Variants in RBM46 observed in about 807,000 individuals in gnomAD.
RBM46 encodes the protein RNA binding motif protein 46, also known as probable RNA-binding protein 46.
A neutral mutation model predicts 43.3 loss-of-function variants in RBM46; 12 were observed. The observed-to-expected ratio is 0.28, with a 90% confidence interval of 0.18 to 0.45. The LOEUF (loss-of-function observed/expected upper bound fraction) is 0.45, where lower values mean the gene tolerates loss of function less well. Among genes scored for constraint, RBM46 ranks in the 20% least tolerant of loss-of-function variants. The probability of loss-of-function intolerance (pLI) is 1.00; values close to 1 mark genes in which losing one functional copy is unlikely to be tolerated. For missense variants in RBM46, 412 were observed against 639.1 expected (o/e 0.64, Z 3.83); for synonymous variants, 205 against 207.6 (o/e 0.99, Z 0.11).
chr4:154,828,013 T>A lies in RBM46; in HGVS notation c.1548T>A (p.Asn516Lys), dbSNP rs1736049131. The change falls in exon 5 of 5, where the codon AAT becomes AAA. Residue 516 changes from asparagine to lysine, a missense_variant. Physicochemically the swap from Asn to Lys is moderately conservative, Grantham distance 94 (BLOSUM62 0). Around this residue, in one of 8 missense-constraint regions of RBM46, gnomAD observed 149 missense variants for 156.3 expected, o/e 0.95. Coordinates refer to ENST00000281722, the MANE Select transcript of RBM46 (RefSeq NM_144979.5). Reference sequence around the variant, plus strand: ...TGTCACCAACAATATCACTTGCTAATGGCAGCCATGTTGGACAGCGGCTAT... The same window carrying A: ...TGTCACCAACAATATCACTTGCTAAAGGCAGCCATGTTGGACAGCGGCTAT... ...YPLSPTISLANGSHVGQRLCI... is the reference protein window; with the variant it reads ...YPLSPTISLAKGSHVGQRLCI... 6.2e-7 allele frequency: 1 copy of A among 1,614,018 alleles called. No individual in the cohort carries two copies. Among genetic ancestry groups the A allele is most frequent in the Non-Finnish European group, 8.5e-7 (1 of 1,179,912 alleles).
intron 4 of RBM46, chr4:154,820,493 C>A: frequency 1.2e-6 from 1 of 829,782 alleles, no homozygotes; most frequent in South Asian, 2.1e-5. Context: ...AAACCAGTTT[C>A]AAATTGTTCT....
chr4:154,827,757 A>C, intron 4 of RBM46, 111 bp from the exon 5 acceptor site: 1 of 1,542,202 alleles, frequency 6.5e-7, no homozygotes, highest in Non-Finnish European at 8.7e-7. Context: ...CAAGATTTCC[A>C]GTGTTAGAAC....
At chr4:154,783,275 C>G (rs897180608) in intron 1 of RBM46, among the ~76,000 whole-genome samples, 1 of 152,052 alleles carries the variant, frequency 6.6e-6, no homozygotes, top group African/African-American at 2.4e-5. Context: ...TAATACATAT[C>G]AACACTTAAA....
chr4:154,799,785 A>AG (rs1734534209), intron 4 of RBM46, among the ~76,000 whole-genome samples: 1 of 110,244 alleles, frequency 9.1e-6, no homozygotes, highest in Admixed American at 1.2e-4. Context: ...TGAGAGATGG[A>AG]GTCTTGCTTT....
At chr4:154,816,505 T>C (rs1401006002) in intron 4 of RBM46, among the ~76,000 whole-genome samples, 2 of 152,124 alleles carry the variant, frequency 1.3e-5, no homozygotes, top group East Asian at 1.9e-4. Flanking sequence ...AAATAACTTA[T>C]CTTAATTTCA....
chr4:154,817,005 G>A (rs995774067), intron 4 of RBM46, among the ~76,000 whole-genome samples: 30 of 151,932 alleles, frequency 2.0e-4, no homozygotes, highest in African/African-American at 7.2e-4. Flanking sequence ...TCTTATTTCC[G>A]AAGTAAACTC....
intron 4 of RBM46, among the ~76,000 whole-genome samples, chr4:154,807,500 A>G (rs1250839613): frequency 6.6e-6 from 1 of 151,904 alleles, no homozygotes; most frequent in East Asian, 1.9e-4. Flanking sequence ...AAGGAGACAG[A>G]AGATGTAGAA....
intron 4 of RBM46, among the ~76,000 whole-genome samples, chr4:154,819,436 C>T (rs1322995313): frequency 6.6e-6 from 1 of 152,310 alleles, no homozygotes; most frequent in South Asian, 2.1e-4. Context: ...AGAGGAAATG[C>T]ACCTCCCAAA....
At chr4:154,822,583 T>G (rs1336139633) in intron 4 of RBM46, among the ~76,000 whole-genome samples, 1 of 151,692 alleles carries the variant, frequency 6.6e-6, no homozygotes, top group Non-Finnish European at 1.5e-5. Flanking sequence ...AAAAAAGTTT[T>G]TTTTTGCAGA....
intron 1 of RBM46, among the ~76,000 whole-genome samples, chr4:154,791,511 G>A (rs1158922173): frequency 6.6e-6 from 1 of 152,104 alleles, no homozygotes; most frequent in Admixed American, 6.5e-5. Context: ...AGCTGGATGT[G>A]GTGGTGCATG....
At chr4:154,805,455 C>T (rs1206563640) in intron 4 of RBM46, among the ~76,000 whole-genome samples, 1 of 151,916 alleles carries the variant, frequency 6.6e-6, no homozygotes, top group Non-Finnish European at 1.5e-5. Context: ...TCAGTAGAAT[C>T]TTGCATTTTT....
At chr4:154,802,395 G>T (rs1478062449) in intron 4 of RBM46, among the ~76,000 whole-genome samples, 3 of 152,258 alleles carry the variant, frequency 2.0e-5, no homozygotes, top group Admixed American at 2.0e-4. Context: ...CATATGGCAG[G>T]TTAAGAGTAG....
At chr4:154,806,539 CAAGT>C (rs1441805839) in intron 4 of RBM46, among the ~76,000 whole-genome samples, 1 of 151,608 alleles carries the variant, frequency 6.6e-6, no homozygotes, top group African/African-American at 2.4e-5. Context: ...TATTTGAGTA[CAAGT>C]AGTTTAAAAC....
At chr4:154,807,444 A>AT (rs1025518653) in intron 4 of RBM46, among the ~76,000 whole-genome samples, 2 of 151,562 alleles carry the variant, frequency 1.3e-5, no homozygotes, top group African/African-American at 2.4e-5. Flanking sequence ...TTAGTAGACA[A>AT]TTTTTTATGC....
chr4:154,801,311 G>A (rs1401050405), intron 4 of RBM46, among the ~76,000 whole-genome samples: 3 of 152,132 alleles, frequency 2.0e-5, no homozygotes, highest in Non-Finnish European at 4.4e-5. Context: ...CTAAAGGTAA[G>A]GTTCTGCTTG....
chr4:154,782,278 G>A (rs1733525265), intron 1 of RBM46, among the ~76,000 whole-genome samples: 2 of 152,278 alleles, frequency 1.3e-5, no homozygotes, highest in East Asian at 1.9e-4. Flanking sequence ...TAATCCTGGC[G>A]TTGATATTCT....
At chr4:154,824,707 G>A (rs1340629084) in intron 4 of RBM46, among the ~76,000 whole-genome samples, 2 of 151,958 alleles carry the variant, frequency 1.3e-5, no homozygotes, top group African/African-American at 2.4e-5. Context: ...TATAGAGGCC[G>A]CCTCTTTTTG....
chr4:154,792,211 A>ATT (rs1734129890), intron 1 of RBM46, among the ~76,000 whole-genome samples: 1 of 152,172 alleles, frequency 6.6e-6, no homozygotes, highest in Non-Finnish European at 1.5e-5. Flanking sequence ...CGTTTTATGT[A>ATT]TTTTTAAACT....
At chr4:154,788,335 CTT>C (rs1208107536) in intron 1 of RBM46, among the ~76,000 whole-genome samples, 1 of 152,144 alleles carries the variant, frequency 6.6e-6, no homozygotes, top group Non-Finnish European at 1.5e-5. Flanking sequence ...ACATTTAAGT[CTT>C]TAATCCATCT....
Sources: allele counts gnomAD v4.1 joint callset (sites outside exome capture counted in the v4.1 genomes callset), GRCh38; gene constraint gnomAD v4.1.1; regional missense constraint gnomAD v4.1.1; transcripts MANE v1.5; gene names NCBI Gene and HGNC (gene_info 2026-07-23, HGNC 2026-07-21).